Variants in GHR observed in about 807,000 individuals in gnomAD.
GHR encodes the protein GH receptor.
A neutral mutation model predicts 67.1 loss-of-function variants in GHR; 35 were observed. The observed-to-expected ratio is 0.52, with a 90% CI of 0.40 to 0.69. The LOEUF (loss-of-function observed/expected upper bound fraction) is 0.69. Among genes scored for constraint, GHR ranks in the 30% least tolerant of loss-of-function variants. The pLI, the probability that GHR is intolerant of heterozygous loss-of-function variation, is 0.00. For missense variants in GHR, 792 were observed against 764.6 expected (o/e 1.04, Z -0.42); for synonymous variants, 272 against 269.1 (o/e 1.01, Z -0.10).
At chr5:42,642,082 GA>G (rs1428586742) in intron 3 of GHR, among the ~76,000 whole-genome samples, 4 of 152,098 alleles carry the variant, frequency 2.6e-5, no homozygotes, top group African/African-American at 9.7e-5. Flanking sequence ...ATCTGAGGAT[GA>G]AAAAAGCAGC....
At chr5:42,579,126 G>GATGATAGATAGAT (rs1750968570) in intron 2 of GHR, among the ~76,000 whole-genome samples, 1 of 72,736 alleles carries the variant, frequency 1.4e-5, no homozygotes. Flanking sequence ...TAGATAGATA[G>GATGATAGATAGAT]ATAGATAGAT....
At chr5:42,567,898 T>C (rs1207189497) in intron 2 of GHR, among the ~76,000 whole-genome samples, 1 of 152,056 alleles carries the variant, frequency 6.6e-6, no homozygotes, top group East Asian at 1.9e-4. Context: ...CAGTCTCAGA[T>C]AATATTTATG....
intron 1 of GHR, among the ~76,000 whole-genome samples, chr5:42,517,673 A>G (rs934386078): frequency 1.3e-5 from 2 of 152,158 alleles, no homozygotes; most frequent in Non-Finnish European, 2.9e-5. Flanking sequence ...CATCTGCAGT[A>G]AGTTTAAAAT....
chr5:42,486,256 A>C (rs996321516), intron 1 of GHR, among the ~76,000 whole-genome samples: 1 of 152,272 alleles, frequency 6.6e-6, no homozygotes, highest in East Asian at 1.9e-4. Flanking sequence ...CAGTCGTTCT[A>C]TTCTCAGGCT....
At chr5:42,500,164 G>A (rs1001873118) in intron 1 of GHR, among the ~76,000 whole-genome samples, 2 of 152,210 alleles carry the variant, frequency 1.3e-5, no homozygotes, top group Non-Finnish European at 1.5e-5. Flanking sequence ...AGTGTGGGCT[G>A]GATTTCAGCC....
At chr5:42,565,344 C>T (rs187128879) in intron 1 of GHR, 77 of 479,580 alleles carry the variant, frequency 1.6e-4, no homozygotes, top group African/African-American at 1.6e-3. Context: ...CTAGTTAAAC[C>T]TCTTTAGGAT....
chr5:42,517,117 T>G (rs1283724733), intron 1 of GHR, among the ~76,000 whole-genome samples: 2 of 151,852 alleles, frequency 1.3e-5, no homozygotes, highest in African/African-American at 2.4e-5. Flanking sequence ...TTAAAACTCC[T>G]CTTCTCAAAG....
At chr5:42,481,609 ACTTCT>A (rs1263536032) in intron 1 of GHR, among the ~76,000 whole-genome samples, 3 of 151,778 alleles carry the variant, frequency 2.0e-5, no homozygotes, top group Middle Eastern at 6.8e-3. Flanking sequence ...TTTTCTCTAA[ACTTCT>A]CTTCTCGCTT....
chr5:42,491,030 C>A (rs1480217754), intron 1 of GHR, among the ~76,000 whole-genome samples: 3 of 152,172 alleles, frequency 2.0e-5, no homozygotes, highest in Non-Finnish European at 2.9e-5. Context: ...TAATTCCAGG[C>A]CCAGCAAATT....
chr5:42,432,489 G>T (rs969525381), intron 1 of GHR, among the ~76,000 whole-genome samples: 7 of 152,136 alleles, frequency 4.6e-5, no homozygotes, highest in African/African-American at 1.7e-4. Flanking sequence ...TCACTATGTG[G>T]CACATGATCC....
chr5:42,677,753 G>C (rs1580181687), intron 3 of GHR, among the ~76,000 whole-genome samples: 1 of 152,140 alleles, frequency 6.6e-6, no homozygotes, highest in Admixed American at 6.6e-5. Flanking sequence ...GTTAGTGTTA[G>C]TATATTTTTT....
At chr5:42,655,628 ATATG>A (rs1299879023) in intron 3 of GHR, among the ~76,000 whole-genome samples, 1 of 152,118 alleles carries the variant, frequency 6.6e-6, no homozygotes, top group East Asian at 1.9e-4. Context: ...TAAGTTATAT[ATATG>A]TACAAGGTTC....
chr5:42,576,782 T>C (rs2112533467), intron 2 of GHR, among the ~76,000 whole-genome samples: 1 of 152,362 alleles, frequency 6.6e-6, no homozygotes, highest in African/African-American at 2.4e-5. Context: ...GATGAAATTG[T>C]ACTACTCTAG....
chr5:42,704,161 T>A (rs1184903423), intron 6 of GHR, among the ~76,000 whole-genome samples: 2 of 152,014 alleles, frequency 1.3e-5, no homozygotes, highest in East Asian at 3.8e-4. Flanking sequence ...AGAAAAGCTT[T>A]CCACATTTCA....
intron 1 of GHR, among the ~76,000 whole-genome samples, chr5:42,534,098 A>G (rs183422107): frequency 2.5e-4 from 37 of 149,444 alleles, no homozygotes; most frequent in African/African-American, 8.3e-4. Context: ...ATGTAAGTAT[A>G]TATGTACGTA....
chr5:42,520,364 C>A (rs1024189972), intron 1 of GHR, among the ~76,000 whole-genome samples: 1 of 152,142 alleles, frequency 6.6e-6, no homozygotes, highest in African/African-American at 2.4e-5. Context: ...ATCCCCTGAA[C>A]AATCAGGAAA....
At chr5:42,627,915 G>A (rs894142726) in intron 2 of GHR, among the ~76,000 whole-genome samples, 16 of 152,162 alleles carry the variant, frequency 1.1e-4, no homozygotes, top group Admixed American at 7.8e-4. Flanking sequence ...ATCATACAGG[G>A]GCTCGAAGGA....
chr5:42,641,248 T>G (rs954898432), intron 3 of GHR, among the ~76,000 whole-genome samples: 2 of 152,132 alleles, frequency 1.3e-5, no homozygotes, highest in African/African-American at 4.8e-5. Context: ...CTTACTGGAC[T>G]AAACTCAATC....
At chr5:42,430,366 A>G (rs907325797) in intron 1 of GHR, among the ~76,000 whole-genome samples, 1 of 152,114 alleles carries the variant, frequency 6.6e-6, no homozygotes, top group African/African-American at 2.4e-5. Context: ...ACACACATAC[A>G]CACACACAAA....
Sources: allele counts gnomAD v4.1 joint callset (sites outside exome capture counted in the v4.1 genomes callset), GRCh38; gene constraint gnomAD v4.1.1; transcripts MANE v1.5; gene names NCBI Gene and HGNC (gene_info 2026-07-23, HGNC 2026-07-21).